Variants in MLLT3 observed in about 807,000 individuals in gnomAD.
MLLT3 encodes protein AF-9.
A neutral mutation model predicts 53.2 loss-of-function variants in MLLT3; 4 were observed. The ratio of observed to expected loss-of-function variants is 0.08; its 90% confidence interval spans 0.04 to 0.17. The LOEUF is 0.17. MLLT3 is among the 10% of genes least tolerant of loss of function. The pLI, the probability that MLLT3 is intolerant of heterozygous loss-of-function variation, is 1.00. For missense variants in MLLT3, 569 were observed against 684.0 expected (o/e 0.83, Z 1.87); for synonymous variants, 283 against 230.6 (o/e 1.23, Z -2.06).
chr9:20,363,228 A>C, intron 7 of MLLT3: 1 of 380,586 alleles, frequency 2.6e-6, no homozygotes, highest in Non-Finnish European at 4.6e-6. Context: ...ATACTTTTCC[A>C]AGGACAAGGA....
At chr9:20,610,589 C>T (rs551725557) in intron 2 of MLLT3, among the ~76,000 whole-genome samples, 4 of 152,154 alleles carry the variant, frequency 2.6e-5, no homozygotes, top group East Asian at 1.9e-4. Context: ...TGCCTTTATA[C>T]GGTTGCCAAA....
chr9:20,416,494 CA>C (rs1822875739), intron 4 of MLLT3, among the ~76,000 whole-genome samples: 1 of 152,024 alleles, frequency 6.6e-6, no homozygotes. Flanking sequence ...TTCTTTAGAA[CA>C]AACTGGAATT....
chr9:20,403,079 G>T (rs770685686), intron 5 of MLLT3, among the ~76,000 whole-genome samples: 18 of 151,782 alleles, frequency 1.2e-4, no homozygotes, highest in Non-Finnish European at 2.1e-4. Flanking sequence ...ATCGATAATG[G>T]CATGCCAACT....
chr9:20,508,400 G>A (rs533803345), intron 2 of MLLT3, among the ~76,000 whole-genome samples: 1 of 152,342 alleles, frequency 6.6e-6, no homozygotes, highest in Admixed American at 6.5e-5. Flanking sequence ...ACAGATGGTA[G>A]AAAGAGATAG....
At chr9:20,394,823 T>C (rs1470657549) in intron 5 of MLLT3, among the ~76,000 whole-genome samples, 1 of 152,096 alleles carries the variant, frequency 6.6e-6, no homozygotes, top group Non-Finnish European at 1.5e-5. Flanking sequence ...AAGAATGACA[T>C]GCCAGTAAAC....
At position 20,513,540 on chromosome 9, in the gene MLLT3, G is replaced by C. The variant is rs539497303; in HGVS notation, c.194-56754C>G. On this transcript the variant is annotated intron_variant, in intron 2 of 10. Coordinates refer to ENST00000380338, the MANE Select transcript of MLLT3 (RefSeq NM_004529.4). ...TGGGGTCCAGGGAACTAACCAAGCAGGTTTCCTGTGGGAAGTTCTAGTTGG... is the reference window on the plus strand; with the variant it reads ...TGGGGTCCAGGGAACTAACCAAGCACGTTTCCTGTGGGAAGTTCTAGTTGG... Among the ~76,000 whole-genome samples, 4 of 152,348 alleles carry C rather than the reference G, an allele frequency of 2.6e-5. No homozygotes were observed. The East Asian group carries it at 5.8e-4, about 22-fold the overall frequency.
intron 2 of MLLT3, among the ~76,000 whole-genome samples, chr9:20,469,124 T>C (rs895934170): frequency 5.9e-5 from 9 of 152,182 alleles, no homozygotes; most frequent in African/African-American, 2.2e-4. Context: ...CCATTCTTAC[T>C]TGGGAGTCAC....
At chr9:20,590,785 G>C (rs912425125) in intron 2 of MLLT3, among the ~76,000 whole-genome samples, 2 of 152,040 alleles carry the variant, frequency 1.3e-5, no homozygotes, top group African/African-American at 4.8e-5. Context: ...ATCCAGGCTT[G>C]AGTGCAGTGG....
intron 4 of MLLT3, among the ~76,000 whole-genome samples, chr9:20,418,754 C>T (rs561351674): frequency 5.5e-4 from 83 of 152,168 alleles, no homozygotes; most frequent in African/African-American, 1.9e-3. Context: ...CAAACTGGGA[C>T]GACAGGTGCA....
At chr9:20,502,497 A>G (rs1825272420) in intron 2 of MLLT3, among the ~76,000 whole-genome samples, 1 of 152,186 alleles carries the variant, frequency 6.6e-6, no homozygotes, top group Admixed American at 6.5e-5. Flanking sequence ...ACATCTGTGG[A>G]TTCAACCAAC....
intron 10 of MLLT3, among the ~76,000 whole-genome samples, chr9:20,352,899 G>C (rs527695716): frequency 3.3e-4 from 50 of 152,102 alleles, no homozygotes; most frequent in Non-Finnish European, 6.8e-4. Flanking sequence ...GCTGCTGGTA[G>C]TGCAACAGAG....
At chr9:20,536,816 G>A (rs1306814357) in intron 2 of MLLT3, among the ~76,000 whole-genome samples, 1 of 151,722 alleles carries the variant, frequency 6.6e-6, no homozygotes, top group South Asian at 2.1e-4. Context: ...ACTCCAGTAT[G>A]GGACGACTCC....
At chr9:20,537,187 T>G (rs1347732734) in intron 2 of MLLT3, among the ~76,000 whole-genome samples, 1 of 152,148 alleles carries the variant, frequency 6.6e-6, no homozygotes, top group African/African-American at 2.4e-5. Flanking sequence ...TGAAATAGGT[T>G]GAAAAAAGCA....
intron 2 of MLLT3, among the ~76,000 whole-genome samples, chr9:20,525,604 C>T (rs1818180882): frequency 6.6e-6 from 1 of 152,140 alleles, no homozygotes; most frequent in Non-Finnish European, 1.5e-5. Context: ...AACAGTATCC[C>T]CACTACACAT....
At chr9:20,610,288 T>C (rs540087679) in intron 2 of MLLT3, among the ~76,000 whole-genome samples, 53 of 152,284 alleles carry the variant, frequency 3.5e-4, no homozygotes, top group African/African-American at 1.2e-3. Flanking sequence ...AGTTTGTGTC[T>C]AGCTTTTCTT....
intron 2 of MLLT3, among the ~76,000 whole-genome samples, chr9:20,555,347 C>A (rs944084858): frequency 1.3e-5 from 2 of 152,044 alleles, no homozygotes; most frequent in Non-Finnish European, 2.9e-5. Context: ...ATAGAGACAG[C>A]GTCTCACCAT....
intron 5 of MLLT3, among the ~76,000 whole-genome samples, chr9:20,386,816 A>T (rs1220655906): frequency 1.3e-5 from 2 of 152,192 alleles, no homozygotes; most frequent in Non-Finnish European, 2.9e-5. Flanking sequence ...TAACATTCTG[A>T]ACTAAACCTA....
At chr9:20,496,933 C>T (rs1253827063) in intron 2 of MLLT3, among the ~76,000 whole-genome samples, 6 of 152,192 alleles carry the variant, frequency 3.9e-5, no homozygotes. Context: ...AGTGGGGACA[C>T]CACTGATCCT....
intron 2 of MLLT3, among the ~76,000 whole-genome samples, chr9:20,523,870 C>T (rs1420864203): frequency 6.6e-6 from 1 of 151,654 alleles, no homozygotes; most frequent in Admixed American, 6.6e-5. Context: ...ACTTAGAAGG[C>T]TGAAATGGGA....
Sources: allele counts gnomAD v4.1 joint callset (sites outside exome capture counted in the v4.1 genomes callset), GRCh38; gene constraint gnomAD v4.1.1; transcripts MANE v1.5; gene names NCBI Gene and HGNC (gene_info 2026-07-23, HGNC 2026-07-21).